Variants in FAM227B observed in about 807,000 individuals in gnomAD.
FAM227B encodes the protein family with sequence similarity 227 member B.
In FAM227B, 88 loss-of-function variants were observed where a neutral mutation model predicts 73.8. The observed-to-expected ratio is 1.19, with a 90% CI of 1.00 to 1.42. The LOEUF (loss-of-function observed/expected upper bound fraction) is 1.42, where lower values mean the gene tolerates loss of function less well. FAM227B is among the 40% of genes most tolerant of loss of function. The probability of loss-of-function intolerance (pLI) is 0.00; values close to 1 mark genes in which losing one functional copy is unlikely to be tolerated. For synonymous variants in FAM227B, 210 were observed against 190.5 expected (o/e 1.10, Z -0.84); for missense variants, 632 against 590.9 (o/e 1.07, Z -0.72).
At chr15:49,392,056 T>A (rs2047246445) in intron 11 of FAM227B, among the ~76,000 whole-genome samples, 1 of 152,158 alleles carries the variant, frequency 6.6e-6, no homozygotes, top group South Asian at 2.1e-4. Context: ...AAGTAAAGAA[T>A]ACAGCCTTTA....
At chr15:49,619,346 G>C (rs2078507355) in intron 1 of FAM227B, among the ~76,000 whole-genome samples, 1 of 152,208 alleles carries the variant, frequency 6.6e-6, no homozygotes, top group Admixed American at 6.5e-5. Flanking sequence ...AAAAGAAAGT[G>C]GGGGAAGTAG....
chr15:49,396,220 A>AAAGAAAGGGGTG (rs2047601373), intron 11 of FAM227B: 1 of 350,772 alleles, frequency 2.9e-6, no homozygotes, highest in Non-Finnish European at 5.6e-6. Context: ...TTTCCGAGTC[A>AAAGAAAGGGGTG]AAGAAAGGGG....
At chr15:49,403,392 T>A (rs551071885) in intron 11 of FAM227B, among the ~76,000 whole-genome samples, 90 of 152,328 alleles carry the variant, frequency 5.9e-4, no homozygotes, top group African/African-American at 2.1e-3. Context: ...AATCTGGTCC[T>A]GCATTTTTAT....
At chr15:49,547,308 C>A (rs2072067434) in intron 9 of FAM227B, among the ~76,000 whole-genome samples, 1 of 151,178 alleles carries the variant, frequency 6.6e-6, no homozygotes, top group African/African-American at 2.4e-5. Flanking sequence ...ACAACCAGTA[C>A]CAGCCACTGC....
chr15:49,381,533 ATT>A (rs759934607), intron 11 of FAM227B, among the ~76,000 whole-genome samples: 1 of 152,134 alleles, frequency 6.6e-6, no homozygotes. Context: ...TGTAAAAATT[ATT>A]TTTTGTTATG....
intron 10 of FAM227B, among the ~76,000 whole-genome samples, chr15:49,526,022 G>A (rs1049148555): frequency 2.0e-5 from 3 of 151,838 alleles, no homozygotes; most frequent in Non-Finnish European, 2.9e-5. Context: ...AAGGAACTCT[G>A]GACTTAAACT....
chr15:49,549,746 G>A (rs113099671), intron 9 of FAM227B, among the ~76,000 whole-genome samples: 49,720 of 151,846 alleles, frequency 0.33, 8,917 homozygotes, highest in African/African-American at 0.46. Flanking sequence ...GCAACCATCC[G>A]ATTTCTCAAT....
At chr15:49,405,907 C>T (rs72727278) in intron 11 of FAM227B, among the ~76,000 whole-genome samples, 7,762 of 152,148 alleles carry the variant, frequency 0.051, 262 homozygotes, top group East Asian at 0.07. Context: ...GAAGTGCTGA[C>T]CTTTGAATGG....
At chr15:49,598,378 G>A (rs2077002592) in intron 3 of FAM227B, among the ~76,000 whole-genome samples, 1 of 151,896 alleles carries the variant, frequency 6.6e-6, no homozygotes, top group Non-Finnish European at 1.5e-5. Flanking sequence ...AGAGTTTTGT[G>A]TATACAAAAT....
chr15:49,376,689 C>A (rs1267954899), intron 11 of FAM227B, among the ~76,000 whole-genome samples: 5 of 151,994 alleles, frequency 3.3e-5, no homozygotes, highest in Non-Finnish European at 7.4e-5. Context: ...ATTTGTAGAC[C>A]ATTTTGGGGA....
At position 49,524,868 on chromosome 15, in the gene FAM227B, G is replaced by A. The variant is rs191720743; in HGVS notation, c.875-16520C>T. On this transcript the variant is annotated intron_variant, in intron 10 of 15. Coordinates refer to ENST00000299338, the MANE Select transcript of FAM227B (RefSeq NM_152647.3). ...GATTTCAGACTTGCATGGGGTCCGT[G>A]GCCCCTTTGTTTTGGCCAATTTCTC... is the stretch of plus-strand genomic sequence containing the variant. Among the ~76,000 whole-genome samples, 438 of 152,182 alleles carry A rather than the reference G, an allele frequency of 2.9e-3. 6 individuals carry two copies. The highest frequency in any genetic ancestry group is 0.027 in the South Asian group (128 of 4,804).
intron 1 of FAM227B, among the ~76,000 whole-genome samples, chr15:49,619,904 A>C (rs2078563332): frequency 6.6e-6 from 1 of 152,252 alleles, no homozygotes; most frequent in South Asian, 2.1e-4. Context: ...CCTAGTGCAC[A>C]CATACACGCA....
intron 5 of FAM227B, among the ~76,000 whole-genome samples, chr15:49,585,899 C>T (rs1422823287): frequency 2.6e-5 from 4 of 151,916 alleles, no homozygotes; most frequent in African/African-American, 9.7e-5. Flanking sequence ...AATGGAAAAA[C>T]GTTCCATGCT....
chr15:49,337,647 G>A (rs1280073847), intron 13 of FAM227B, among the ~76,000 whole-genome samples: 3 of 150,532 alleles, frequency 2.0e-5, no homozygotes, highest in African/African-American at 7.4e-5. Context: ...TCTACATTAG[G>A]TATTTCTCCT....
intron 11 of FAM227B, among the ~76,000 whole-genome samples, chr15:49,459,446 T>C (rs2053596224): frequency 6.6e-6 from 1 of 152,038 alleles, no homozygotes; most frequent in Non-Finnish European, 1.5e-5. Context: ...TGCTGTTTTC[T>C]TTCTTTTCTT....
chr15:49,359,866 T>A (rs2151389081), intron 13 of FAM227B, among the ~76,000 whole-genome samples: 1 of 143,474 alleles, frequency 7.0e-6, no homozygotes, highest in Non-Finnish European at 1.5e-5. Context: ...TAGACTGGAT[T>A]AAGAAAATGT....
chr15:49,517,836 A>G lies in FAM227B; in HGVS notation c.875-9488T>C, dbSNP rs370865776. On this transcript the variant is annotated intron_variant, in intron 10 of 15. Transcript: ENST00000299338. ...AACTATTAGTCTCACTACTAACACA[A>G]TAGATTAGTTTTATAGATGTTGACC... 2.2e-3 allele frequency among the ~76,000 whole-genome samples: 338 copies of G among 152,280 alleles called. 2 individuals carry two copies. The highest frequency in any genetic ancestry group is 7.8e-3 in the African/African-American group (324 of 41,568).
At chr15:49,430,901 C>T (rs1046825372) in intron 11 of FAM227B, among the ~76,000 whole-genome samples, 1 of 147,518 alleles carries the variant, frequency 6.8e-6, no homozygotes, top group African/African-American at 2.5e-5. Flanking sequence ...AGGGTCTATC[C>T]AGATCAGAGA....
chr15:49,468,369 T>C (rs2054450124), intron 11 of FAM227B, among the ~76,000 whole-genome samples: 2 of 152,194 alleles, frequency 1.3e-5, no homozygotes, highest in Admixed American at 1.3e-4. Context: ...GAATTATACT[T>C]TCTGGGTTTC....
Sources: gnomAD v4.1 joint callset for allele counts (sites outside exome capture counted in the v4.1 genomes callset) on GRCh38, gnomAD v4.1.1 for gene constraint, MANE v1.5 for transcripts, NCBI Gene and HGNC (gene_info 2026-07-23, HGNC 2026-07-21) for gene names.